The following ADAMTSL3 variants were observed in gnomAD, a reference collection of about 807,000 sequenced individuals.
The protein encoded by ADAMTSL3 is ADAMTS-like protein 3.
ADAMTSL3 carries 128 observed loss-of-function variants against 201.7 expected under a neutral mutation model. The ratio of observed to expected loss-of-function variants is 0.63; its 90% confidence interval spans 0.55 to 0.73. The LOEUF is 0.73. Among genes scored for constraint, ADAMTSL3 ranks in the 30% least tolerant of loss-of-function variants. The pLI, the probability that ADAMTSL3 is intolerant of heterozygous loss-of-function variation, is 0.00. For synonymous variants in ADAMTSL3, 738 were observed against 748.4 expected (o/e 0.99, Z 0.23); for missense variants, 1,990 against 2,119.6 (o/e 0.94, Z 1.20).
chr15:83,715,730 C>G (rs1289333628), intron 3 of ADAMTSL3, among the ~76,000 whole-genome samples: 1 of 152,226 alleles, frequency 6.6e-6, no homozygotes, highest in Non-Finnish European at 1.5e-5. Context: ...AGGCCAACTG[C>G]TGACCGGTAT....
chr15:83,967,243 C>G (rs1217746334), intron 19 of ADAMTSL3, among the ~76,000 whole-genome samples: 1 of 152,196 alleles, frequency 6.6e-6, no homozygotes, highest in Admixed American at 6.5e-5. Flanking sequence ...CAAATTGTCT[C>G]TGTTTGCAGA....
intron 3 of ADAMTSL3, among the ~76,000 whole-genome samples, chr15:83,716,935 A>T (rs1567095170): frequency 6.6e-6 from 1 of 152,174 alleles, no homozygotes; most frequent in Non-Finnish European, 1.5e-5. Flanking sequence ...TTTCTTTATA[A>T]TTGGGAAAAG....
intron 2 of ADAMTSL3, among the ~76,000 whole-genome samples, chr15:83,692,964 G>T (rs1468173718): frequency 4.6e-5 from 7 of 152,282 alleles, no homozygotes; most frequent in Non-Finnish European, 2.9e-5. Flanking sequence ...GGGTGAGAAA[G>T]ACCTTGAATA....
At chr15:84,025,177 A>T in intron 26 of ADAMTSL3, 61 bp from the exon 27 acceptor site, 1 of 1,441,986 alleles carries the variant, frequency 6.9e-7, no homozygotes, top group Non-Finnish European at 9.4e-7. Context: ...CTTTGATGAG[A>T]CGCCCCCTCT....
At chr15:83,878,432 G>A (rs1486413313) in intron 9 of ADAMTSL3, among the ~76,000 whole-genome samples, 2 of 152,034 alleles carry the variant, frequency 1.3e-5, no homozygotes, top group South Asian at 2.1e-4. Context: ...TGGCTAACAC[G>A]GTGAAACTCT....
At chr15:83,752,873 C>A (rs773488101) in intron 3 of ADAMTSL3, among the ~76,000 whole-genome samples, 11 of 152,162 alleles carry the variant, frequency 7.2e-5, no homozygotes, top group Non-Finnish European at 1.5e-4. Context: ...CTCATATGCT[C>A]GCCTTTAGGT....
chr15:83,724,935 T>A (rs1039048557), intron 3 of ADAMTSL3, among the ~76,000 whole-genome samples: 1 of 152,146 alleles, frequency 6.6e-6, no homozygotes, highest in African/African-American at 2.4e-5. Flanking sequence ...GCATCACATT[T>A]TTTTTTTATC....
intron 10 of ADAMTSL3, among the ~76,000 whole-genome samples, chr15:83,886,529 A>C (rs1038919048): frequency 2.0e-5 from 3 of 152,190 alleles, no homozygotes. Flanking sequence ...GCTTGATGTC[A>C]GAGTCATGCT....
intron 4 of ADAMTSL3, among the ~76,000 whole-genome samples, chr15:83,777,235 A>T (rs1007263017): frequency 6.6e-6 from 1 of 152,190 alleles, no homozygotes; most frequent in African/African-American, 2.4e-5. Flanking sequence ...GCCTACAGAG[A>T]GGCAGGACCC....
intron 25 of ADAMTSL3, among the ~76,000 whole-genome samples, chr15:84,019,875 AG>A (rs2068164324): frequency 6.8e-6 from 1 of 146,784 alleles, no homozygotes; most frequent in South Asian, 2.2e-4. Flanking sequence ...CCTGGGTGAC[AG>A]AGTGAGACTC....
chr15:83,995,145 G>A (rs1389566827), intron 23 of ADAMTSL3, among the ~76,000 whole-genome samples: 1 of 152,134 alleles, frequency 6.6e-6, no homozygotes, highest in African/African-American at 2.4e-5. Context: ...AGGGGCATAT[G>A]TGCTCTTGGG....
chr15:83,758,613 A>G lies in ADAMTSL3; in HGVS notation c.190-14910A>G, dbSNP rs542232706. 6.6e-5 allele frequency among the ~76,000 whole-genome samples: 10 copies of G among 152,272 alleles called. No individual in the cohort carries two copies. In the East Asian group the frequency reaches 1.7e-3, roughly 26 times the overall value. On this transcript the variant is annotated intron_variant, in intron 3 of 29. Coordinates refer to ENST00000286744, the MANE Select transcript of ADAMTSL3 (RefSeq NM_207517.3). ...AGTGGTATCTCCTTTACATTTCCCTAATGGGTATAAAGTGGTATTTCATTT... is the reference window on the plus strand; with the variant it reads ...AGTGGTATCTCCTTTACATTTCCCTGATGGGTATAAAGTGGTATTTCATTT...
At chr15:83,998,084 A>G (rs2067721543) in intron 23 of ADAMTSL3, among the ~76,000 whole-genome samples, 1 of 152,188 alleles carries the variant, frequency 6.6e-6, no homozygotes, top group African/African-American at 2.4e-5. Flanking sequence ...GTCCTTTACA[A>G]AGGAGTTCTT....
At chr15:83,824,699 C>T (rs2063981989) in intron 6 of ADAMTSL3, among the ~76,000 whole-genome samples, 1 of 152,076 alleles carries the variant, frequency 6.6e-6, no homozygotes, top group Non-Finnish European at 1.5e-5. Context: ...ATAGTTTTTG[C>T]CTTTTCCGGA....
At chr15:83,995,562 A>G (rs1310312079) in intron 23 of ADAMTSL3, among the ~76,000 whole-genome samples, 1 of 152,186 alleles carries the variant, frequency 6.6e-6, no homozygotes, top group African/African-American at 2.4e-5. Flanking sequence ...GAAAAATTAG[A>G]ACTAGAAAAT....
At chr15:83,714,884 T>TC in intron 3 of ADAMTSL3, among the ~76,000 whole-genome samples, 2 of 14,208 alleles carry the variant, frequency 1.4e-4, no homozygotes, top group Admixed American at 2.0e-3. Context: ...CTCCCTTCCT[T>TC]CCTTCCTTCC....
intron 2 of ADAMTSL3, among the ~76,000 whole-genome samples, chr15:83,675,518 T>A (rs2141405483): frequency 6.6e-6 from 1 of 152,148 alleles, no homozygotes; most frequent in Non-Finnish European, 1.5e-5. Flanking sequence ...ATTGCTGAAT[T>A]CTATTTACTA....
At chr15:84,028,020 T>C (rs1303482926) in intron 27 of ADAMTSL3, among the ~76,000 whole-genome samples, 2 of 152,200 alleles carry the variant, frequency 1.3e-5, no homozygotes, top group Non-Finnish European at 2.9e-5. Context: ...GCACCATTTA[T>C]ACAAAGTGTC....
chr15:83,684,555 A>G (rs1007679561), intron 2 of ADAMTSL3, among the ~76,000 whole-genome samples: 4 of 152,126 alleles, frequency 2.6e-5, no homozygotes, highest in Non-Finnish European at 5.9e-5. Flanking sequence ...AGCCTGGGTA[A>G]CATAGCAAGA....
Sources: allele counts gnomAD v4.1 joint callset (sites outside exome capture counted in the v4.1 genomes callset), GRCh38; gene constraint gnomAD v4.1.1; transcripts MANE v1.5; gene names NCBI Gene and HGNC (gene_info 2026-07-23, HGNC 2026-07-21).